ACOXL: variants seen among roughly 807,000 people sequenced by gnomAD.
ACOXL encodes acyl-CoA oxidase like.
A neutral mutation model predicts 71.9 loss-of-function variants in ACOXL; 70 were observed. The observed-to-expected ratio is 0.97, with a 90% CI of 0.80 to 1.19. The LOEUF is 1.19. Among genes scored for constraint, ACOXL ranks in the 50% most tolerant of loss-of-function variants. The pLI is 0.00. For missense variants in ACOXL, 703 were observed against 736.3 expected, an observed-to-expected ratio of 0.95 and a Z score of 0.52; for synonymous variants, 253 against 281.6, an observed-to-expected ratio of 0.90 and a Z score of 1.02.
At chr2:110,793,353 A>G (rs567953595) in intron 3 of ACOXL, among the ~76,000 whole-genome samples, 11 of 152,228 alleles carry the variant, frequency 7.2e-5, no homozygotes, top group Non-Finnish European at 1.6e-4. Flanking sequence ...AGATCCTGAG[A>G]GGACAAAGCA....
chr2:110,960,723 A>T (rs1174910653), intron 12 of ACOXL, among the ~76,000 whole-genome samples: 4 of 142,102 alleles, frequency 2.8e-5, no homozygotes, highest in African/African-American at 1.1e-4. Context: ...TTGCTTGTGT[A>T]TTACTTTTAG....
intron 10 of ACOXL, among the ~76,000 whole-genome samples, chr2:110,866,078 C>T (rs994187156): frequency 2.0e-5 from 3 of 152,156 alleles, no homozygotes; most frequent in Admixed American, 6.5e-5. Flanking sequence ...ATTCGGAAGG[C>T]GGGGAGGTCA....
At chr2:111,038,399 C>A (rs2065623886) in intron 15 of ACOXL, among the ~76,000 whole-genome samples, 1 of 152,162 alleles carries the variant, frequency 6.6e-6, no homozygotes, top group Non-Finnish European at 1.5e-5. Context: ...AAATGTGTTT[C>A]CCACTTTTTA....
chr2:111,016,753 T>TG (rs2064460619), intron 14 of ACOXL: 1 of 152,906 alleles, frequency 6.5e-6, no homozygotes, highest in Admixed American at 6.5e-5. Context: ...TGACAGATGG[T>TG]GGGGGTGGTC....
intron 6 of ACOXL, 21 bp from the exon 7 acceptor site, chr2:110,798,993 T>C: frequency 1.2e-6 from 2 of 1,611,508 alleles, no homozygotes; most frequent in Non-Finnish European, 1.7e-6. Flanking sequence ...AGCTTAATAA[T>C]GATCTCGATG....
chr2:111,118,179 TC>T lies in ACOXL; in HGVS notation c.*364del, dbSNP rs2070481633. On this transcript the variant is annotated 3_prime_UTR_variant, in exon 18 of 18. Coordinates refer to ENST00000439055, the MANE Select transcript of ACOXL (RefSeq NM_001142807.4). ...AAGGTCTCCTGCTGTTAGCGGTGAC[TC>T]ACATTCCCAGTGATTTAGAAAAACT... The T allele has an allele frequency of 5.8e-6, 2 of 343,942 alleles. No homozygotes were observed. The highest frequency in any genetic ancestry group is 4.4e-5 in the African/African-American group (2 of 45,510). 21.3% of individuals were successfully genotyped at this position (343,942 alleles called of 1,614,324 possible).
chr2:110,813,589 T>C (rs1199141692), intron 9 of ACOXL, among the ~76,000 whole-genome samples: 1 of 152,218 alleles, frequency 6.6e-6, no homozygotes, highest in East Asian at 1.9e-4. Flanking sequence ...TATGGATGAT[T>C]GACAACTGGC....
intron 1 of ACOXL, among the ~76,000 whole-genome samples, chr2:110,767,913 G>T (rs1223041927): frequency 7.2e-6 from 1 of 138,100 alleles, no homozygotes; most frequent in Non-Finnish European, 1.5e-5. Context: ...GCGAAACCCT[G>T]TCTCTACTAA....
At chr2:110,852,792 T>C (rs1368420730) in intron 10 of ACOXL, among the ~76,000 whole-genome samples, 1 of 152,100 alleles carries the variant, frequency 6.6e-6, no homozygotes, top group Admixed American at 6.5e-5. Flanking sequence ...CCTGTTGAGG[T>C]TGGTAGAGCC....
chr2:111,109,627 G>C (rs894811203), intron 17 of ACOXL, among the ~76,000 whole-genome samples: 1 of 143,988 alleles, frequency 6.9e-6, no homozygotes, highest in African/African-American at 2.6e-5. Context: ...ATTTATCTCA[G>C]AAAATATCCC....
intron 2 of ACOXL, among the ~76,000 whole-genome samples, chr2:110,780,756 G>A (rs972499723): frequency 3.9e-5 from 6 of 152,258 alleles, no homozygotes; most frequent in Admixed American, 3.3e-4. Flanking sequence ...TTAGGCTGGG[G>A]ACGATCGTGG....
intron 11 of ACOXL, among the ~76,000 whole-genome samples, chr2:110,917,850 A>G (rs576036722): frequency 1.4e-4 from 21 of 152,334 alleles, no homozygotes; most frequent in Admixed American, 2.6e-4. Context: ...CTTACAAGGG[A>G]TGTGAAGGAC....
intron 2 of ACOXL, 49 bp downstream of exon 2, chr2:110,768,513 TGAGAGAGAGA>T (rs1170772823): frequency 5.7e-5 from 53 of 929,742 alleles, no homozygotes; most frequent in Non-Finnish European, 6.5e-5. Flanking sequence ...TGTGTGTGTG[TGAGAGAGAGA>T]GAGAGAGAGA....
At chr2:110,745,072 C>G (rs1310889217) in intron 1 of ACOXL, among the ~76,000 whole-genome samples, 2 of 152,248 alleles carry the variant, frequency 1.3e-5, no homozygotes, top group Non-Finnish European at 2.9e-5. Flanking sequence ...CTGTTGCTTG[C>G]AACCCTAAGC....
At chr2:110,948,974 C>T (rs2061226247) in intron 12 of ACOXL, among the ~76,000 whole-genome samples, 1 of 151,982 alleles carries the variant, frequency 6.6e-6, no homozygotes, top group African/African-American at 2.4e-5. Flanking sequence ...CATTTCACTA[C>T]AGACCAGTAG....
intron 11 of ACOXL, among the ~76,000 whole-genome samples, chr2:110,925,123 G>A (rs1338313329): frequency 6.6e-6 from 1 of 152,174 alleles, no homozygotes; most frequent in Non-Finnish European, 1.5e-5. Context: ...AAACTATACT[G>A]TAAACAGATG....
At chr2:110,861,704 G>T (rs530339682) in intron 10 of ACOXL, among the ~76,000 whole-genome samples, 4 of 152,184 alleles carry the variant, frequency 2.6e-5, no homozygotes, top group Non-Finnish European at 4.4e-5. Flanking sequence ...CGCTAATCCG[G>T]TGTTTGCACC....
chr2:110,947,608 C>G (rs911313112), intron 12 of ACOXL, among the ~76,000 whole-genome samples: 1 of 152,206 alleles, frequency 6.6e-6, no homozygotes, highest in African/African-American at 2.4e-5. Flanking sequence ...AACTCTTTCC[C>G]CTTCCCTTCT....
chr2:110,734,225 A>G (rs1246072063), intron 1 of ACOXL, among the ~76,000 whole-genome samples: 1 of 152,040 alleles, frequency 6.6e-6, no homozygotes, highest in African/African-American at 2.4e-5. Flanking sequence ...AATACGGGAA[A>G]TATCAGTGGA....
Sources: gnomAD v4.1 joint callset for allele counts (sites outside exome capture counted in the v4.1 genomes callset) on GRCh38, gnomAD v4.1.1 for gene constraint, MANE v1.5 for transcripts, NCBI Gene and HGNC (gene_info 2026-07-23, HGNC 2026-07-21) for gene names.